The following FSIP1 variants were observed in gnomAD, a reference collection of about 807,000 sequenced individuals.
The protein encoded by FSIP1 is fibrous sheath-interacting protein 1.
FSIP1 carries 65 observed loss-of-function variants against 60.9 expected under a neutral mutation model. The observed-to-expected ratio is 1.07, with a 90% CI of 0.87 to 1.31. The LOEUF (loss-of-function observed/expected upper bound fraction) is 1.31, where lower values mean the gene tolerates loss of function less well. Ranked by LOEUF, FSIP1 falls within the 40% of genes most tolerant of loss-of-function variation. FSIP1 has a pLI of 0.00. For missense variants in FSIP1, 675 were observed against 665.5 expected (o/e 1.01, Z -0.16); for synonymous variants, 209 against 221.2 (o/e 0.94, Z 0.49).
chr15:39,650,343 C>G (rs867549358), intron 10 of FSIP1, among the ~76,000 whole-genome samples: 46 of 152,272 alleles, frequency 3.0e-4, no homozygotes, highest in African/African-American at 1.0e-3. Context: ...AAAATTGGTA[C>G]CACACAATTT....
chr15:39,690,461 T>C lies in FSIP1; in HGVS notation c.1188+22983A>G, dbSNP rs1221945194. Among the ~76,000 whole-genome samples the C allele has an allele frequency of 2.0e-5, 3 of 152,198 alleles. No individual in the cohort carries two copies. In the East Asian group the frequency reaches 5.8e-4, roughly 29 times the overall value. ...GTAAAAATATAGTCCAATCTCTTCT[T>C]TTCCCAGTTCATTGGTTTTGAGACC... On this transcript the variant is annotated intron_variant, in intron 10 of 11. Coordinates refer to ENST00000350221, the MANE Select transcript of FSIP1 (RefSeq NM_152597.5).
chr15:39,673,467 C>T (rs1022472642), intron 10 of FSIP1, among the ~76,000 whole-genome samples: 1 of 151,610 alleles, frequency 6.6e-6, no homozygotes, highest in Non-Finnish European at 1.5e-5. Flanking sequence ...GCACACGCCA[C>T]CACACCTGGT....
intron 5 of FSIP1, 73 bp from the exon 6 acceptor site, chr15:39,741,973 A>G (rs1008094850): frequency 1.5e-5 from 12 of 814,308 alleles, no homozygotes; most frequent in Non-Finnish European, 2.3e-5. Flanking sequence ...ATTGTTTTAA[A>G]AAGATAACAT....
chr15:39,751,416 TAAAC>T (rs1179143729), intron 5 of FSIP1, among the ~76,000 whole-genome samples: 2 of 62,322 alleles, frequency 3.2e-5, no homozygotes, highest in African/African-American at 1.5e-4. Context: ...CTGTAATACA[TAAAC>T]ACACACACAC....
chr15:39,688,839 C>A (rs1894486791), intron 10 of FSIP1, among the ~76,000 whole-genome samples: 1 of 152,080 alleles, frequency 6.6e-6, no homozygotes, highest in African/African-American at 2.4e-5. Flanking sequence ...TTTGTGCCTG[C>A]TAAGTAGAGC....
intron 10 of FSIP1, among the ~76,000 whole-genome samples, chr15:39,708,091 C>G (rs978269284): frequency 2.0e-5 from 3 of 152,202 alleles, no homozygotes; most frequent in Non-Finnish European, 4.4e-5. Flanking sequence ...TCTCTTCATT[C>G]TAACATCTCA....
intron 5 of FSIP1, among the ~76,000 whole-genome samples, chr15:39,751,406 C>T (rs1017218386): frequency 8.1e-6 from 1 of 123,914 alleles, no homozygotes; most frequent in Non-Finnish European, 1.7e-5. Context: ...GATAAAGCAA[C>T]TGTAATACAT....
At chr15:39,632,359 G>A (rs948311174) in intron 10 of FSIP1, among the ~76,000 whole-genome samples, 6 of 152,026 alleles carry the variant, frequency 3.9e-5, no homozygotes, top group Non-Finnish European at 8.8e-5. Flanking sequence ...TAATTTTTTT[G>A]TAGAGATGAG....
chr15:39,756,460 G>C (rs1897303749), intron 5 of FSIP1, among the ~76,000 whole-genome samples: 1 of 151,962 alleles, frequency 6.6e-6, no homozygotes, highest in Admixed American at 6.6e-5. Context: ...CAAACTCGTG[G>C]ACTCAAGCAA....
chr15:39,770,338 C>G, intron 3 of FSIP1, 89 bp downstream of exon 3: 1 of 936,746 alleles, frequency 1.1e-6, no homozygotes, highest in Non-Finnish European at 1.5e-6. Flanking sequence ...GATAAAAACA[C>G]AGGTAATACT....
At chr15:39,693,768 A>C (rs1894700804) in intron 10 of FSIP1, among the ~76,000 whole-genome samples, 1 of 151,988 alleles carries the variant, frequency 6.6e-6, no homozygotes, top group African/African-American at 2.4e-5. Flanking sequence ...TGTTTAAAGA[A>C]CTCTCCTGGA....
intron 10 of FSIP1, among the ~76,000 whole-genome samples, chr15:39,710,514 C>T (rs1330187125): frequency 6.6e-6 from 1 of 151,222 alleles, no homozygotes; most frequent in African/African-American, 2.4e-5. Flanking sequence ...AGACAACAGC[C>T]TCTGAAAGTG....
At chr15:39,644,164 G>T (rs7179608) in intron 10 of FSIP1, among the ~76,000 whole-genome samples, 1 of 151,920 alleles carries the variant, frequency 6.6e-6, no homozygotes, top group African/African-American at 2.4e-5. Context: ...TTCGCCTATA[G>T]GCTCGATCCT....
At chr15:39,690,471 C>T (rs1044093630) in intron 10 of FSIP1, among the ~76,000 whole-genome samples, 1 of 152,170 alleles carries the variant, frequency 6.6e-6, no homozygotes, top group Non-Finnish European at 1.5e-5. Flanking sequence ...TTTCCCAGTT[C>T]ATTGGTTTTG....
At chr15:39,623,308 C>T (rs942736671) in intron 10 of FSIP1, among the ~76,000 whole-genome samples, 1 of 152,128 alleles carries the variant, frequency 6.6e-6, no homozygotes, top group Non-Finnish European at 1.5e-5. Flanking sequence ...GAAAGTCTAC[C>T]CATTATAAAC....
rs575333739 is a variant in FSIP1 at position 39,638,791 on chromosome 15, C to A, written c.1189-20546G>T. ...GACTATACTATTTTCCTATTTCATG[C>A]ACATGTGGGTGCGTGTGTGGGTGCA... On this transcript the variant is annotated intron_variant, in intron 10 of 11. Coordinates refer to ENST00000350221, the MANE Select transcript of FSIP1 (RefSeq NM_152597.5). Among the ~76,000 whole-genome samples, 19 of 148,882 alleles carry A rather than the reference C, an allele frequency of 1.3e-4. No homozygotes were observed. The South Asian group carries it at 3.8e-3, about 30-fold the overall frequency.
intron 10 of FSIP1, among the ~76,000 whole-genome samples, chr15:39,704,299 G>T (rs1895178044): frequency 6.6e-6 from 1 of 152,202 alleles, no homozygotes; most frequent in Non-Finnish European, 1.5e-5. Flanking sequence ...AGACACCAAA[G>T]TATAACTATT....
chr15:39,681,004 A>G (rs1266825308), intron 10 of FSIP1, among the ~76,000 whole-genome samples: 1 of 152,188 alleles, frequency 6.6e-6, no homozygotes, highest in African/African-American at 2.4e-5. Flanking sequence ...CCACAGCCAC[A>G]TACACAATAA....
At chr15:39,703,603 A>G (rs993402309) in intron 10 of FSIP1, among the ~76,000 whole-genome samples, 1 of 152,190 alleles carries the variant, frequency 6.6e-6, no homozygotes, top group Non-Finnish European at 1.5e-5. Flanking sequence ...TTTCATCTCA[A>G]ACATTAGGAG....
Sources: allele counts gnomAD v4.1 joint callset (sites outside exome capture counted in the v4.1 genomes callset), GRCh38; gene constraint gnomAD v4.1.1; transcripts MANE v1.5; gene names NCBI Gene and HGNC (gene_info 2026-07-23, HGNC 2026-07-21).